Variants in NREP observed in about 807,000 individuals in gnomAD.
The protein encoded by NREP is neuronal regeneration-related protein.
NREP carries 5 observed loss-of-function variants against 8.6 expected under a neutral mutation model. The observed-to-expected ratio is 0.58, with a 90% CI of 0.30 to 1.22. NREP has a LOEUF of 1.22. Ranked by LOEUF, NREP falls within the 50% of genes most tolerant of loss-of-function variation. The probability of loss-of-function intolerance (pLI) is 0.07; values close to 1 mark genes in which losing one functional copy is unlikely to be tolerated. For missense variants in NREP, 86 were observed against 82.5 expected, an observed-to-expected ratio of 1.04 and a Z score of -0.17; for synonymous variants, 27 against 28.0, an observed-to-expected ratio of 0.96 and a Z score of 0.11.
At chr5:111,835,696 G>A (rs569225558) in intron 2 of NREP, among the ~76,000 whole-genome samples, 1 of 152,136 alleles carries the variant, frequency 6.6e-6, no homozygotes, top group Non-Finnish European at 1.5e-5. Context: ...AGGCAGATAG[G>A]AACATTCTGG....
intron 2 of NREP, among the ~76,000 whole-genome samples, chr5:111,924,217 GC>G (rs900443888): frequency 6.6e-6 from 1 of 152,164 alleles, no homozygotes; most frequent in African/African-American, 2.4e-5. Context: ...ATTGAGAAGG[GC>G]CTTGGTGCCT....
chr5:111,975,282 G>A (rs1200298155), exon 2 of NREP: 2 of 1,550,540 alleles, frequency 1.3e-6, no homozygotes, highest in Non-Finnish European at 1.7e-6. Context: ...ACACAATTCA[G>A]AACAGAAATC....
intron 2 of NREP, among the ~76,000 whole-genome samples, chr5:111,738,123 A>AT: frequency 6.6e-6 from 1 of 152,272 alleles, no homozygotes; most frequent in South Asian, 2.1e-4. Context: ...TAAACTTTTC[A>AT]TTTTTTTAAG....
intron 2 of NREP, among the ~76,000 whole-genome samples, chr5:111,856,346 C>T (rs1753427021): frequency 6.6e-6 from 1 of 152,132 alleles, no homozygotes; most frequent in Non-Finnish European, 1.5e-5. Context: ...GTTTCACAGC[C>T]TAATGCCCTT....
chr5:111,912,275 T>G (rs1754934332), intron 2 of NREP, among the ~76,000 whole-genome samples: 1 of 152,036 alleles, frequency 6.6e-6, no homozygotes, highest in South Asian at 2.1e-4. Context: ...CGTAAGTGAC[T>G]AAAACCCACC....
At chr5:111,768,158 A>G (rs1275656707) in intron 2 of NREP, among the ~76,000 whole-genome samples, 1 of 152,214 alleles carries the variant, frequency 6.6e-6, no homozygotes, top group Non-Finnish European at 1.5e-5. Context: ...ATAAACAAAA[A>G]GAAGCTGCCC....
At position 111,821,922 on chromosome 5, in the gene NREP, C is replaced by T. The variant is rs1052447429; in HGVS notation, c.136-86415G>A. Among the ~76,000 whole-genome samples, 5 of 152,056 alleles carry T rather than the reference C, an allele frequency of 3.3e-5. 1 individual carries two copies. In the South Asian group the frequency reaches 1.0e-3, roughly 32 times the overall value. ...AGCATCTTGTGTTGCAGTAATATTA[C>T]GTAGAATATGCTGCTTTGTAAACAG... On this transcript the variant is annotated intron_variant, in intron 2 of 3. Coordinates refer to the NREP transcript ENST00000395634.
At chr5:111,763,778 GTGTGTGCGCGCACGCGCA>G (rs1209850389) in intron 2 of NREP, among the ~76,000 whole-genome samples, 2 of 150,242 alleles carry the variant, frequency 1.3e-5, no homozygotes, top group Non-Finnish European at 3.0e-5. Flanking sequence ...GTGTGTGTTT[GTGTGTGCGCGCACGCGCA>G]TGCTTATTTG....
chr5:111,934,457 A>G (rs369826838), intron 2 of NREP, among the ~76,000 whole-genome samples: 5 of 152,040 alleles, frequency 3.3e-5, no homozygotes, highest in Admixed American at 2.0e-4. Flanking sequence ...AAGAACATGA[A>G]AAGATAGTAA....
intron 2 of NREP, among the ~76,000 whole-genome samples, chr5:111,898,126 C>A (rs1001050821): frequency 7.2e-5 from 11 of 152,058 alleles, no homozygotes; most frequent in African/African-American, 2.4e-4. Flanking sequence ...GGAAATAGAG[C>A]CACTGGAGAG....
At chr5:111,939,927 C>T (rs1381314509) in intron 2 of NREP, 1 of 151,870 alleles carries the variant, frequency 6.6e-6, no homozygotes, top group East Asian at 1.9e-4. Flanking sequence ...ATGTTTTGAT[C>T]AGCTGACAAA....
At position 111,880,956 on chromosome 5, in the gene NREP, G is replaced by A. The variant is rs191095283; in HGVS notation, c.135+94318C>T. ...GAGGTACCGGGTTCATCTCACTAGG[G>A]AGTGCCAGACAGTGGGCACAGGACA... On this transcript the variant is annotated intron_variant, in intron 2 of 3. Coordinates refer to the NREP transcript ENST00000395634. Among the ~76,000 whole-genome samples the A allele has an allele frequency of 6.6e-5, 10 of 152,284 alleles. No individual in the cohort carries two copies. The East Asian group carries it at 1.9e-3, about 29-fold the overall frequency.
chr5:111,808,688 T>C (rs568151690), intron 2 of NREP, among the ~76,000 whole-genome samples: 2 of 152,334 alleles, frequency 1.3e-5, no homozygotes, highest in South Asian at 4.2e-4. Flanking sequence ...ATATTCCATT[T>C]AAGGAAGCCT....
At chr5:111,907,180 G>GTA (rs1754798838) in intron 2 of NREP, among the ~76,000 whole-genome samples, 1 of 151,940 alleles carries the variant, frequency 6.6e-6, no homozygotes, top group South Asian at 2.1e-4. Flanking sequence ...TTGCCAAGCA[G>GTA]TTTTTTAATT....
chr5:111,964,358 A>T (rs1293884972), intron 2 of NREP, among the ~76,000 whole-genome samples: 4 of 152,126 alleles, frequency 2.6e-5, no homozygotes, highest in South Asian at 2.1e-4. Flanking sequence ...TTAGTCATGT[A>T]TTCCACTGTT....
At chr5:111,867,036 C>A (rs1753682840) in intron 2 of NREP, among the ~76,000 whole-genome samples, 1 of 151,662 alleles carries the variant, frequency 6.6e-6, no homozygotes, top group South Asian at 2.1e-4. Context: ...TGGAGATATA[C>A]CTAATGTTAA....
intron 2 of NREP, among the ~76,000 whole-genome samples, chr5:111,932,099 G>C (rs1344673656): frequency 7.2e-6 from 1 of 138,338 alleles, no homozygotes; most frequent in Non-Finnish European, 1.5e-5. Context: ...GCATATTAAA[G>C]ACCGTGGAGA....
chr5:111,796,365 A>G (rs1180798609), intron 2 of NREP, among the ~76,000 whole-genome samples: 1 of 152,180 alleles, frequency 6.6e-6, no homozygotes, highest in African/African-American at 2.4e-5. Flanking sequence ...GCTTTACCAG[A>G]TGTACAAAGT....
intron 2 of NREP, among the ~76,000 whole-genome samples, chr5:111,921,944 A>T (rs1310726797): frequency 6.6e-6 from 1 of 151,930 alleles, no homozygotes; most frequent in Non-Finnish European, 1.5e-5. Flanking sequence ...TAAGAAGTAC[A>T]TTTCACCCCC....
Sources: allele counts gnomAD v4.1 joint callset (sites outside exome capture counted in the v4.1 genomes callset), GRCh38; gene constraint gnomAD v4.1.1; transcripts MANE v1.5; gene names NCBI Gene and HGNC (gene_info 2026-07-23, HGNC 2026-07-21).